Variants in PDE4D observed in about 807,000 individuals in gnomAD.
PDE4D encodes the protein phosphodiesterase 4D, also known as 3',5'-cyclic-AMP phosphodiesterase 4D.
Under a neutral mutation model 87.4 loss-of-function variants are expected in PDE4D, and 24 were observed. The observed-to-expected ratio is 0.27, with a 90% CI of 0.20 to 0.39. The LOEUF (loss-of-function observed/expected upper bound fraction) is 0.39, where lower values mean the gene tolerates loss of function less well. PDE4D is among the 10% of genes least tolerant of loss of function. The pLI is 1.00. For synonymous variants in PDE4D, 384 were observed against 383.2 expected (o/e 1.00, Z -0.02); for missense variants, 714 against 1,041.0 (o/e 0.69, Z 4.32).
upstream of PDE4D, among the ~76,000 whole-genome samples, chr5:59,896,784 A>G (rs1751704000): frequency 6.6e-6 from 1 of 152,188 alleles, no homozygotes; most frequent in African/African-American, 2.4e-5. Flanking sequence ...TATGCACTTT[A>G]TGTATTACTC....
intron 1 of PDE4D, among the ~76,000 whole-genome samples, chr5:60,221,285 A>G (rs1162450590): frequency 6.6e-6 from 1 of 152,106 alleles, no homozygotes; most frequent in African/African-American, 2.4e-5. Flanking sequence ...AATAAAATAA[A>G]TCAACAATTA....
chr5:59,124,973 T>C (rs1201024677), intron 5 of PDE4D, among the ~76,000 whole-genome samples: 1 of 150,546 alleles, frequency 6.6e-6, no homozygotes, highest in Admixed American at 6.6e-5. Flanking sequence ...TACATTTCTT[T>C]TCTTTTCTTT....
intron 1 of PDE4D, among the ~76,000 whole-genome samples, chr5:59,526,581 T>A (rs1330944288): frequency 6.6e-6 from 1 of 152,226 alleles, no homozygotes; most frequent in East Asian, 1.9e-4. Flanking sequence ...AAAATTTGAA[T>A]GTTGATCAAC....
chr5:59,900,239 CAA>C (rs369200356), intron 3 of PDE4D, among the ~76,000 whole-genome samples: 1 of 118,276 alleles, frequency 8.5e-6, no homozygotes, highest in African/African-American at 3.5e-5. Context: ...GACTCCATAT[CAA>C]AAAAAAATAT....
At chr5:60,060,862 C>A (rs1207630878) in intron 2 of PDE4D, among the ~76,000 whole-genome samples, 1 of 151,942 alleles carries the variant, frequency 6.6e-6, no homozygotes. Flanking sequence ...GCAGAAAAGA[C>A]CTTCGAAAAA....
chr5:59,359,579 G>C (rs74939930), intron 1 of PDE4D, among the ~76,000 whole-genome samples: 1 of 151,976 alleles, frequency 6.6e-6, no homozygotes, highest in Non-Finnish European at 1.5e-5. Context: ...ATATTTCACA[G>C]ACATGAGAAT....
chr5:59,254,498 T>G (rs1028784680), intron 1 of PDE4D, among the ~76,000 whole-genome samples: 14 of 151,682 alleles, frequency 9.2e-5, no homozygotes, highest in Non-Finnish European at 2.1e-4. Context: ...GCAAGAAGAG[T>G]GCTTGTACAG....
intron 1 of PDE4D, among the ~76,000 whole-genome samples, chr5:59,359,107 C>T (rs141415616): frequency 2.6e-4 from 39 of 152,208 alleles, no homozygotes; most frequent in Admixed American, 6.5e-4. Flanking sequence ...CAAGGACATA[C>T]GAATAATCTA....
intron 1 of PDE4D, among the ~76,000 whole-genome samples, chr5:60,483,109 A>T (rs1748858002): frequency 6.6e-6 from 1 of 152,186 alleles, no homozygotes; most frequent in South Asian, 2.1e-4. Context: ...GAATTAAATA[A>T]GGCTGGAGAC....
chr5:59,133,705 C>T (rs1411110202), intron 5 of PDE4D, among the ~76,000 whole-genome samples: 1 of 152,150 alleles, frequency 6.6e-6, no homozygotes, highest in Non-Finnish European at 1.5e-5. Flanking sequence ...CAGCGGTTAT[C>T]ACTGCAATTG....
intron 1 of PDE4D, among the ~76,000 whole-genome samples, chr5:60,242,113 C>G (rs564504158): frequency 1.2e-4 from 18 of 152,148 alleles, no homozygotes; most frequent in South Asian, 6.2e-4. Flanking sequence ...TATAAACACA[C>G]ACAGACTGAA....
intron 5 of PDE4D, among the ~76,000 whole-genome samples, chr5:59,118,099 G>A (rs1168178134): frequency 6.6e-6 from 1 of 152,166 alleles, no homozygotes; most frequent in Non-Finnish European, 1.5e-5. Flanking sequence ...CCGGCACAGT[G>A]TGTGGTAAAA....
intron 1 of PDE4D, among the ~76,000 whole-genome samples, chr5:59,441,304 C>T (rs1401460904): frequency 6.6e-6 from 1 of 152,158 alleles, no homozygotes; most frequent in Non-Finnish European, 1.5e-5. Context: ...ACCATGTTGC[C>T]CAGGCTGGTC....
intron 2 of PDE4D, among the ~76,000 whole-genome samples, chr5:59,993,497 A>G (rs1170337440): frequency 6.6e-6 from 1 of 152,192 alleles, no homozygotes; most frequent in African/African-American, 2.4e-5. Context: ...CACAATGTTG[A>G]GTGGGAAGAA....
chr5:59,387,775 A>G (rs1479080619), intron 1 of PDE4D, among the ~76,000 whole-genome samples: 2 of 152,106 alleles, frequency 1.3e-5, no homozygotes, highest in Admixed American at 6.6e-5. Flanking sequence ...ATTACCTCAC[A>G]AACTTATCTT....
At chr5:60,210,743 A>T (rs1342599226) in intron 1 of PDE4D, among the ~76,000 whole-genome samples, 1 of 140,272 alleles carries the variant, frequency 7.1e-6, no homozygotes, top group African/African-American at 2.8e-5. Flanking sequence ...TTATTTTTAT[A>T]GGGTTTCCTA....
intron 2 of PDE4D, among the ~76,000 whole-genome samples, chr5:60,046,925 T>G (rs1326870480): frequency 3.3e-5 from 5 of 152,202 alleles, no homozygotes; most frequent in African/African-American, 1.2e-4. Context: ...TTGATTGGAA[T>G]AGTTTCAGAA....
chr5:59,653,659 G>A (rs1188850344), intron 1 of PDE4D, among the ~76,000 whole-genome samples: 1 of 152,184 alleles, frequency 6.6e-6, no homozygotes, highest in Non-Finnish European at 1.5e-5. Flanking sequence ...ATTGCACATA[G>A]GATTTGTCCC....
At position 60,226,112 on chromosome 5, in the gene PDE4D, T is replaced by C. The variant is rs139372715; in HGVS notation, c.-89-40425A>G. ...GTCTAAATCCTGTCAACTTTGTTATTTGAATATAAACCTCAAAAATATTTT... is the reference window on the plus strand; with the variant it reads ...GTCTAAATCCTGTCAACTTTGTTATCTGAATATAAACCTCAAAAATATTTT... On this transcript the variant is annotated intron_variant, in intron 1 of 16. Coordinates refer to the PDE4D transcript ENST00000502484. 4.4e-3 allele frequency among the ~76,000 whole-genome samples: 677 copies of C among 152,250 alleles called. 5 individuals are homozygous for C. Among genetic ancestry groups the C allele is most frequent in the African/African-American group, 0.016 (652 of 41,562 alleles).
Sources: gnomAD v4.1 joint callset for allele counts (sites outside exome capture counted in the v4.1 genomes callset) on GRCh38, gnomAD v4.1.1 for gene constraint, MANE v1.5 for transcripts, NCBI Gene and HGNC (gene_info 2026-07-23, HGNC 2026-07-21) for gene names.